Variants in INIP observed in about 807,000 individuals in gnomAD.
INIP encodes SOSS complex subunit C.
INIP carries 9 observed loss-of-function variants against 14.0 expected under a neutral mutation model. That is an observed-to-expected ratio of 0.64 (90% confidence interval 0.39 to 1.12). INIP has a LOEUF of 1.12. Ranked by LOEUF, INIP falls within the 50% of genes most tolerant of loss-of-function variation. The pLI is 0.01. For missense variants in INIP, 78 were observed against 122.7 expected (o/e 0.64, Z 1.72); for synonymous variants, 37 against 41.5 (o/e 0.89, Z 0.41).
chr9:112,708,799 C>T (rs1398490440), intron 2 of INIP, among the ~76,000 whole-genome samples: 3 of 151,452 alleles, frequency 2.0e-5, no homozygotes, highest in Admixed American at 6.6e-5. Context: ...CATACTCAAG[C>T]GATCCTCCCA....
At chr9:112,690,010 A>G (rs1199965640) in intron 3 of INIP, among the ~76,000 whole-genome samples, 2 of 152,180 alleles carry the variant, frequency 1.3e-5, no homozygotes, top group African/African-American at 2.4e-5. Context: ...TAGGGGTAAA[A>G]AAAAACCTCC....
chr9:112,700,578 GAAT>G lies in INIP; in HGVS notation c.26-6348_26-6346del, dbSNP rs556748653. 7.2e-4 allele frequency among the ~76,000 whole-genome samples: 105 copies of G among 146,222 alleles called. 1 individual carries two copies. The highest frequency in any genetic ancestry group is 2.5e-3 in the African/African-American group (101 of 40,114). On this transcript the variant is annotated intron_variant, in intron 2 of 4. Coordinates refer to ENST00000374242, the MANE Select transcript of INIP (RefSeq NM_021218.3). ...TATATTATATAATATATAATATAAA[GAAT>G]ATTATATAAACATAACTACTACAAT...
At chr9:112,688,058 C>CGAGA in intron 4 of INIP, among the ~76,000 whole-genome samples, 1 of 151,180 alleles carries the variant, frequency 6.6e-6, no homozygotes, top group South Asian at 2.1e-4. Context: ...TGCACTCCAG[C>CGAGA]CTGGGCGACA....
At position 112,686,257 on chromosome 9, in the gene INIP, A is replaced by G. The variant is rs1837660263; in HGVS notation, c.*1281T>C. On this transcript the variant is annotated 3_prime_UTR_variant, in exon 5 of 5. Transcript: ENST00000374242. ...ACCTCTAAGTTTCAGGGATCTACAA[A>G]CCCATGCGTGTATAAATATATCACG... is the stretch of plus-strand genomic sequence containing the variant. 1 of 152,140 alleles carries G rather than the reference A, an allele frequency of 6.6e-6. No individual in the cohort carries two copies. Among genetic ancestry groups the G allele is most frequent in the African/African-American group, 2.4e-5 (1 of 41,430 alleles). The allele number at this position is 152,140 out of a possible 1,614,324, so 9.4% of individuals were successfully genotyped here.
At chr9:112,713,713 G>A (rs1249501771) in intron 2 of INIP, among the ~76,000 whole-genome samples, 2 of 150,970 alleles carry the variant, frequency 1.3e-5, no homozygotes, top group Admixed American at 6.6e-5. Context: ...ATCTGAGGCC[G>A]GGCACAGTGG....
intron 2 of INIP, among the ~76,000 whole-genome samples, chr9:112,710,725 T>C (rs1441196596): frequency 6.6e-6 from 1 of 152,230 alleles, no homozygotes; most frequent in Non-Finnish European, 1.5e-5. Context: ...GTAAAATCTA[T>C]TTATTTACAT....
chr9:112,694,050 G>C, intron 3 of INIP, 81 bp downstream of exon 3: 1 of 890,200 alleles, frequency 1.1e-6, no homozygotes, highest in Middle Eastern at 3.5e-4. Context: ...ACTCCAGCCT[G>C]GGGGACAGGG....
At chr9:112,710,560 A>T (rs1838616682) in intron 2 of INIP, among the ~76,000 whole-genome samples, 1 of 152,170 alleles carries the variant, frequency 6.6e-6, no homozygotes. Context: ...TCTACACTAC[A>T]TTGGACAGTA....
chr9:112,707,662 T>TA (rs1404206295), intron 2 of INIP, among the ~76,000 whole-genome samples: 4 of 152,146 alleles, frequency 2.6e-5, no homozygotes, highest in Non-Finnish European at 4.4e-5. Flanking sequence ...CTTCTTATTG[T>TA]AAAAAAAATC....
In INIP at chr9:112,718,056, G is replaced by C. The variant is rs111899075; in HGVS notation, c.-126C>G. ...CTCTTAAAGGGGGCGCGACCACTTA[G>C]GCAAGAGGAGCTCAACTCGCGGCAC... On this transcript the variant is annotated 5_prime_UTR_variant, in exon 1 of 5. Coordinates refer to ENST00000374242, the MANE Select transcript of INIP (RefSeq NM_021218.3). 2.6e-5 allele frequency: 4 copies of C among 152,660 alleles called. No homozygotes were observed. Among genetic ancestry groups the C allele is most frequent in the East Asian group, 1.9e-4 (1 of 5,192 alleles). 9.5% of individuals were successfully genotyped at this position (152,660 alleles called of 1,614,324 possible).
chr9:112,691,747 C>T (rs942320834), intron 3 of INIP, among the ~76,000 whole-genome samples: 128 of 152,352 alleles, frequency 8.4e-4, no homozygotes, highest in Non-Finnish European at 9.8e-4. Context: ...CAGCGGCTCA[C>T]GCCTGTAATC....
rs1012236681 is a variant in INIP at position 112,684,438 on chromosome 9, A to C, written c.*3100T>G. The C allele has an allele frequency of 6.6e-6, 1 of 152,090 alleles. No homozygotes were observed. The highest frequency in any genetic ancestry group is 1.5e-5 in the Non-Finnish European group (1 of 68,062). The allele number at this position is 152,090 out of a possible 1,614,324, so 9.4% of individuals were successfully genotyped here. On this transcript the variant is annotated 3_prime_UTR_variant, in exon 5 of 5. Coordinates refer to ENST00000374242, the MANE Select transcript of INIP (RefSeq NM_021218.3). Reference sequence around the variant, plus strand: ...CATGGTGGCATGTGCCTGTAGTCTCAGCTACTTGGGAGGCTAAGGGTTGAG... The same window carrying C: ...CATGGTGGCATGTGCCTGTAGTCTCCGCTACTTGGGAGGCTAAGGGTTGAG...
intron 1 of INIP, among the ~76,000 whole-genome samples, chr9:112,717,178 G>A (rs546521539): frequency 6.6e-6 from 1 of 152,204 alleles, no homozygotes; most frequent in African/African-American, 2.4e-5. Flanking sequence ...TATAATCATG[G>A]TGCTAGGAAG....
chr9:112,706,188 A>C (rs769028942), intron 2 of INIP, among the ~76,000 whole-genome samples: 1 of 152,238 alleles, frequency 6.6e-6, no homozygotes, highest in African/African-American at 2.4e-5. Flanking sequence ...TTTTATCCAA[A>C]TGTCAGGCAA....
At chr9:112,708,474 G>A (rs748575305) in intron 2 of INIP, among the ~76,000 whole-genome samples, 3 of 152,186 alleles carry the variant, frequency 2.0e-5, no homozygotes, top group Admixed American at 6.5e-5. Context: ...GTTAAATCAG[G>A]AGGAGAGTGA....
chr9:112,715,180 G>A (rs907105129), intron 2 of INIP, among the ~76,000 whole-genome samples: 3 of 98,548 alleles, frequency 3.0e-5, no homozygotes, highest in South Asian at 7.7e-4. Flanking sequence ...ACACACACAC[G>A]GTTTAAAAGA....
chr9:112,715,133 T>TACATACAC (rs767980765), intron 2 of INIP, among the ~76,000 whole-genome samples: 1 of 133,434 alleles, frequency 7.5e-6, no homozygotes, highest in Non-Finnish European at 1.6e-5. Context: ...CATACATACA[T>TACATACAC]ACACACACAC....
Position 112,686,316 on chromosome 9 carries a change from A to G in INIP, c.*1222T>C, listed in dbSNP as rs1293715561. 6.6e-6 allele frequency: 1 copy of G among 152,056 alleles called. No homozygotes were observed. The highest frequency in any genetic ancestry group is 2.4e-5 in the African/African-American group (1 of 41,410). 9.4% of individuals were successfully genotyped at this position (152,056 alleles called of 1,614,324 possible). ...TACAAGATATTTCATAGAATTCTCTATCTCATGGTTTTCAGACTTTATTTT... is the reference window on the plus strand; with the variant it reads ...TACAAGATATTTCATAGAATTCTCTGTCTCATGGTTTTCAGACTTTATTTT... On this transcript the variant is annotated 3_prime_UTR_variant, in exon 5 of 5. Coordinates refer to ENST00000374242, the MANE Select transcript of INIP (RefSeq NM_021218.3).
chr9:112,704,643 T>C (rs1838401859), intron 2 of INIP, among the ~76,000 whole-genome samples: 1 of 152,192 alleles, frequency 6.6e-6, no homozygotes, highest in Non-Finnish European at 1.5e-5. Flanking sequence ...TGTGTTTTAA[T>C]TAAGAATCAA....
Sources: allele counts gnomAD v4.1 joint callset (sites outside exome capture counted in the v4.1 genomes callset), GRCh38; gene constraint gnomAD v4.1.1; transcripts MANE v1.5; gene names NCBI Gene and HGNC (gene_info 2026-07-23, HGNC 2026-07-21).